TYW1B: variants seen among roughly 807,000 people sequenced by gnomAD.
TYW1B encodes S-adenosyl-L-methionine-dependent tRNA 4-demethylwyosine synthase TYW1B.
A neutral mutation model predicts 86.9 loss-of-function variants in TYW1B; 73 were observed. That is an observed-to-expected ratio of 0.84 (90% CI 0.70 to 1.02). TYW1B has a LOEUF of 1.02. Among genes scored for constraint, TYW1B ranks in the 50% least tolerant of loss-of-function variants. The pLI is 0.00. For missense variants in TYW1B, 637 were observed against 827.4 expected (o/e 0.77, Z 2.82); for synonymous variants, 248 against 292.8 (o/e 0.85, Z 1.56).
At chr7:72,599,718 A>C (rs189880369) in intron 13 of TYW1B, among the ~76,000 whole-genome samples, 2 of 152,130 alleles carry the variant, frequency 1.3e-5, no homozygotes, top group Non-Finnish European at 2.9e-5. Context: ...TATATATATA[A>C]AATTAATTGC....
At chr7:72,756,859 T>C (rs117211393) in intron 7 of TYW1B, among the ~76,000 whole-genome samples, 2 of 152,254 alleles carry the variant, frequency 1.3e-5, no homozygotes, top group East Asian at 1.9e-4. Flanking sequence ...AAGGAAGATA[T>C]ACAAACATCC....
intron 13 of TYW1B, among the ~76,000 whole-genome samples, chr7:72,593,820 TAAAAAA>T (rs59821679): frequency 1.8e-3 from 80 of 43,692 alleles, no homozygotes; most frequent in African/African-American, 6.7e-3. Context: ...AGACTCCATC[TAAAAAA>T]AAAAAAAAAA....
chr7:72,603,159 TGATAGA>T (rs1811711978), intron 13 of TYW1B, among the ~76,000 whole-genome samples: 1 of 135,656 alleles, frequency 7.4e-6, no homozygotes, highest in Non-Finnish European at 1.6e-5. Context: ...GATGGATAGA[TGATAGA>T]AGATGGATGG....
At chr7:72,759,743 G>C (rs1231470939) in intron 7 of TYW1B, among the ~76,000 whole-genome samples, 2 of 152,202 alleles carry the variant, frequency 1.3e-5, no homozygotes, top group African/African-American at 2.4e-5. Context: ...AAAAGAGAGA[G>C]AGAAGTCTTT....
At chr7:72,709,644 G>A (rs1270154166) in intron 10 of TYW1B, among the ~76,000 whole-genome samples, 4 of 152,074 alleles carry the variant, frequency 2.6e-5, no homozygotes, top group Non-Finnish European at 4.4e-5. Flanking sequence ...CTCTAGCCTG[G>A]GTGACAGAGC....
At chr7:72,732,078 C>CAAG (rs149286916) in intron 8 of TYW1B, among the ~76,000 whole-genome samples, 119,609 of 151,908 alleles carry the variant, frequency 0.79, 47,301 homozygotes, top group Non-Finnish European at 0.8. Context: ...ATCACTGCAG[C>CAAG]AAGATCTAAC....
chr7:72,605,046 A>T (rs1469240243), intron 13 of TYW1B, among the ~76,000 whole-genome samples: 3 of 152,222 alleles, frequency 2.0e-5, no homozygotes, highest in Non-Finnish European at 4.4e-5. Context: ...CTCTGACATT[A>T]TATCTACATG....
At chr7:72,745,841 C>A (rs1346283923) in intron 7 of TYW1B, among the ~76,000 whole-genome samples, 2 of 116,644 alleles carry the variant, frequency 1.7e-5, no homozygotes, top group East Asian at 2.9e-4. Context: ...AGCCTTTACA[C>A]GTGTATAGGG....
intron 3 of TYW1B, among the ~76,000 whole-genome samples, chr7:72,812,549 AT>A (rs1405787013): frequency 2.6e-5 from 4 of 152,200 alleles, no homozygotes; most frequent in Non-Finnish European, 1.5e-5. Context: ...TTCACAAATA[AT>A]TTAGAGCACA....
intron 11 of TYW1B, among the ~76,000 whole-genome samples, chr7:72,644,877 G>A (rs1351421934): frequency 2.0e-5 from 3 of 148,388 alleles, no homozygotes; most frequent in Non-Finnish European, 4.4e-5. Context: ...ACCCAGGCTG[G>A]AGTGCAGTGC....
chr7:72,601,193 A>C (rs1811657034), intron 13 of TYW1B, among the ~76,000 whole-genome samples: 1 of 152,048 alleles, frequency 6.6e-6, no homozygotes, highest in Non-Finnish European at 1.5e-5. Context: ...AAAAATGGGC[A>C]CAAGATCTGA....
chr7:72,740,652 C>G (rs1329757905), intron 8 of TYW1B, among the ~76,000 whole-genome samples: 1 of 150,464 alleles, frequency 6.6e-6, no homozygotes, highest in Non-Finnish European at 1.5e-5. Flanking sequence ...CCAGAGCAAG[C>G]AATAAAAAAC....
intron 12 of TYW1B, among the ~76,000 whole-genome samples, chr7:72,622,923 G>A (rs1554438234): frequency 1.3e-5 from 2 of 152,146 alleles, no homozygotes; most frequent in African/African-American, 4.8e-5. Flanking sequence ...CGCATTTACA[G>A]TCGCCCTTCC....
At chr7:72,824,008 T>C (rs1249055079) in intron 2 of TYW1B, among the ~76,000 whole-genome samples, 3 of 151,992 alleles carry the variant, frequency 2.0e-5, no homozygotes, top group Admixed American at 1.3e-4. Context: ...CTGAAAAAGG[T>C]TTTTTATAAG....
At chr7:72,728,122 G>A (rs1321574310) in intron 9 of TYW1B, among the ~76,000 whole-genome samples, 15 of 151,842 alleles carry the variant, frequency 9.9e-5, no homozygotes, top group African/African-American at 1.5e-4. Context: ...ATTCAAAACC[G>A]TTTTTCCATC....
chr7:72,640,463 CA>C (rs1342790060), intron 11 of TYW1B, among the ~76,000 whole-genome samples: 1 of 149,686 alleles, frequency 6.7e-6, no homozygotes, highest in East Asian at 2.0e-4. Flanking sequence ...TATAAAGATA[CA>C]AAAAAGGCTG....
chr7:72,614,995 A>G (rs1812035247), intron 13 of TYW1B, among the ~76,000 whole-genome samples: 1 of 152,172 alleles, frequency 6.6e-6, no homozygotes, highest in African/African-American at 2.4e-5. Flanking sequence ...AGATGAAAGG[A>G]CTTGCACAAA....
intron 11 of TYW1B, among the ~76,000 whole-genome samples, chr7:72,645,517 C>A (rs555591006): frequency 4.1e-4 from 63 of 152,216 alleles, no homozygotes; most frequent in African/African-American, 1.5e-3. Context: ...TTCATCATAG[C>A]CCCAACCAGG....
At chr7:72,707,117 C>A (rs1328548859) in intron 10 of TYW1B, among the ~76,000 whole-genome samples, 1 of 152,226 alleles carries the variant, frequency 6.6e-6, no homozygotes, top group African/African-American at 2.4e-5. Context: ...ACCCAAGTGC[C>A]CCTGCCCTGT....
Sources: gnomAD v4.1 joint callset for allele counts (sites outside exome capture counted in the v4.1 genomes callset) on GRCh38, gnomAD v4.1.1 for gene constraint, MANE v1.5 for transcripts, NCBI Gene and HGNC (gene_info 2026-07-23, HGNC 2026-07-21) for gene names.